MFHAS1: variants seen among roughly 807,000 people sequenced by gnomAD.
MFHAS1 encodes multifunctional ROCO family signaling regulator 1.
In MFHAS1, 50 loss-of-function variants were observed where a neutral mutation model predicts 70.4. That is an observed-to-expected ratio of 0.71 (90% confidence interval 0.57 to 0.90). The LOEUF (loss-of-function observed/expected upper bound fraction) is 0.90, where lower values mean the gene tolerates loss of function less well. Among genes scored for constraint, MFHAS1 ranks in the 40% least tolerant of loss-of-function variants. The pLI is 0.00. For missense variants in MFHAS1, 1,795 were observed against 1,347.6 expected, an observed-to-expected ratio of 1.33 and a Z score of -5.20; for synonymous variants, 952 against 620.0, an observed-to-expected ratio of 1.54 and a Z score of -7.96.
chr8:8,866,877 G>A (rs1412017672), intron 1 of MFHAS1, among the ~76,000 whole-genome samples: 2 of 152,322 alleles, frequency 1.3e-5, no homozygotes, highest in East Asian at 1.9e-4. Context: ...CATGAATCAG[G>A]AAAGAACCGT....
rs1563182187 is a variant in MFHAS1, at chr8:8,806,495, A to G, written c.2999-9004T>C. On this transcript the variant is annotated intron_variant, in intron 1 of 2. Transcript: ENST00000276282. ...AGGGCTTTATTTTTGGTTCTAAAAGACAGAACAATAGCAAAGTAAAATATT... is the reference window on the plus strand; with the variant it reads ...AGGGCTTTATTTTTGGTTCTAAAAGGCAGAACAATAGCAAAGTAAAATATT... 2.0e-5 allele frequency among the ~76,000 whole-genome samples: 3 copies of G among 152,236 alleles called. No individual in the cohort carries two copies. In the South Asian group the frequency reaches 6.2e-4, roughly 32 times the overall value.
At chr8:8,886,383 G>C (rs953065490) in intron 1 of MFHAS1, among the ~76,000 whole-genome samples, 2 of 151,828 alleles carry the variant, frequency 1.3e-5, no homozygotes. Flanking sequence ...ACTCAGGCTG[G>C]TCTCGAACTC....
intron 1 of MFHAS1, among the ~76,000 whole-genome samples, chr8:8,874,970 A>C (rs1003193564): frequency 6.6e-6 from 1 of 152,074 alleles, no homozygotes; most frequent in African/African-American, 2.4e-5. Context: ...TTCAGAAAAG[A>C]AGCAACACAA....
At chr8:8,850,872 A>C (rs1808225169) in intron 1 of MFHAS1, among the ~76,000 whole-genome samples, 1 of 151,338 alleles carries the variant, frequency 6.6e-6, no homozygotes, top group Non-Finnish European at 1.5e-5. Flanking sequence ...CACCCGCTAC[A>C]CACCAATTCA....
At chr8:8,824,220 C>T (rs918941631) in intron 1 of MFHAS1, among the ~76,000 whole-genome samples, 9 of 151,798 alleles carry the variant, frequency 5.9e-5, no homozygotes, top group South Asian at 2.1e-4. Flanking sequence ...AGGGGCTCTG[C>T]GGGGAGCAGG....
intron 1 of MFHAS1, among the ~76,000 whole-genome samples, chr8:8,845,434 C>T (rs991600491): frequency 1.2e-4 from 19 of 152,174 alleles, no homozygotes; most frequent in Admixed American, 2.6e-4. Context: ...TGGGTGCACG[C>T]TTATCTAGCG....
At chr8:8,848,962 T>A (rs1400154331) in intron 1 of MFHAS1, among the ~76,000 whole-genome samples, 1 of 152,140 alleles carries the variant, frequency 6.6e-6, no homozygotes, top group Non-Finnish European at 1.5e-5. Context: ...TACTTACTTT[T>A]TTCTTAAATT....
At chr8:8,824,521 TCA>T (rs57194505) in intron 1 of MFHAS1, among the ~76,000 whole-genome samples, 11,742 of 145,398 alleles carry the variant, frequency 0.081, 546 homozygotes, top group African/African-American at 0.12. Context: ...TCTCTCTCTT[TCA>T]CACACACACA....
At chr8:8,868,157 C>T (rs1009322592) in intron 1 of MFHAS1, among the ~76,000 whole-genome samples, 4 of 151,866 alleles carry the variant, frequency 2.6e-5, no homozygotes, top group Non-Finnish European at 5.9e-5. Context: ...GTTGAATCTC[C>T]CAGGTGCTTA....
In MFHAS1 at chr8:8,797,447, T is replaced by A. The variant is rs1341438664; in HGVS notation, c.3043A>T (p.Ile1015Phe). 6.2e-7 allele frequency: 1 copy of A among 1,613,896 alleles called. No homozygotes were observed. Among genetic ancestry groups the A allele is most frequent in the African/African-American group, 1.3e-5 (1 of 74,866 alleles). The change falls in exon 2 of 3, where the codon ATT becomes TTT. Residue 1015 changes from isoleucine to phenylalanine, a missense_variant. Coordinates refer to ENST00000276282, the MANE Select transcript of MFHAS1 (RefSeq NM_004225.3). ...QPRPEGVAEI[I>F]CPKNGSERVN... ...CGCTCGCTGCCGTTCTTGGGGCAAA[T>A]GATCTCTGCCACTCCTTCCGGTCTG...
chr8:8,807,489 A>G (rs553777011), intron 1 of MFHAS1, among the ~76,000 whole-genome samples: 5 of 151,876 alleles, frequency 3.3e-5, no homozygotes, highest in Non-Finnish European at 7.4e-5. Flanking sequence ...TCTGTATCCC[A>G]CTGTGATTCC....
At chr8:8,803,640 T>C (rs1391778834) in intron 1 of MFHAS1, among the ~76,000 whole-genome samples, 1 of 152,064 alleles carries the variant, frequency 6.6e-6, no homozygotes, top group African/African-American at 2.4e-5. Context: ...AACATTTGTA[T>C]TGTATTAGTT....
At chr8:8,865,297 A>G (rs993897953) in intron 1 of MFHAS1, among the ~76,000 whole-genome samples, 9 of 151,652 alleles carry the variant, frequency 5.9e-5, no homozygotes, top group East Asian at 3.9e-4. Flanking sequence ...AAAAAAAAAA[A>G]AAAGAAATGT....
intron 1 of MFHAS1, among the ~76,000 whole-genome samples, chr8:8,889,480 T>C (rs761086814): frequency 6.6e-6 from 1 of 152,236 alleles, no homozygotes; most frequent in Admixed American, 6.5e-5. Context: ...ACATTCTGAA[T>C]GTAAGCAGAG....
rs1170584068 is a variant in MFHAS1 at position 8,866,741 on chromosome 8, A to G, written c.2998+23320T>C. 2.0e-5 allele frequency among the ~76,000 whole-genome samples: 3 copies of G among 152,238 alleles called. No homozygotes were observed. The East Asian group carries it at 5.8e-4, about 29-fold the overall frequency. On this transcript the variant is annotated intron_variant, in intron 1 of 2. Transcript: ENST00000276282. ...AGTGATTGACTCACTTATTTTCTGC[A>G]GAAGACAGAATGGCATGAATGGGAC...
At chr8:8,837,375 G>A (rs1054379894) in intron 1 of MFHAS1, among the ~76,000 whole-genome samples, 4 of 152,146 alleles carry the variant, frequency 2.6e-5, no homozygotes, top group African/African-American at 9.7e-5. Flanking sequence ...AGGCGCAGTG[G>A]CTCACGCCTA....
rs1217392793 is a variant in MFHAS1 at position 8,783,548 on chromosome 8, T to C, written c.*2474A>G. On this transcript the variant is annotated 3_prime_UTR_variant, in exon 3 of 3. Coordinates refer to ENST00000276282, the MANE Select transcript of MFHAS1 (RefSeq NM_004225.3). ...GAGTCCAATACACAAGTGTCAAATATGAGCACTGTCATTTTTTTTTTCTTA... is the reference window on the plus strand; with the variant it reads ...GAGTCCAATACACAAGTGTCAAATACGAGCACTGTCATTTTTTTTTTCTTA... 6.6e-6 allele frequency: 1 copy of C among 152,102 alleles called. No homozygotes were observed. The highest frequency in any genetic ancestry group is 1.5e-5 in the Non-Finnish European group (1 of 68,020). 9.4% of individuals were successfully genotyped at this position (152,102 alleles called of 1,614,324 possible). A position where few individuals can be genotyped will look rare whatever the true frequency, so the allele number is the denominator to read the frequency against.
At chr8:8,814,449 G>A (rs1462586633) in intron 1 of MFHAS1, among the ~76,000 whole-genome samples, 1 of 152,130 alleles carries the variant, frequency 6.6e-6, no homozygotes, top group Non-Finnish European at 1.5e-5. Flanking sequence ...TGTCATGTTC[G>A]CACGATGACA....
rs941573708 is a variant in MFHAS1, at chr8:8,835,357, T to C, written c.2999-37866A>G. On this transcript the variant is annotated intron_variant, in intron 1 of 2. Coordinates refer to ENST00000276282, the MANE Select transcript of MFHAS1 (RefSeq NM_004225.3). ...GTTTAAAACACACATTCCTAAACAC[T>C]ATCCTGTCCCACGGGTCTTGAGCAT... Among the ~76,000 whole-genome samples, 7 of 152,324 alleles carry C rather than the reference T, an allele frequency of 4.6e-5. No homozygotes were observed. The South Asian group carries it at 8.3e-4, about 18-fold the overall frequency.
Sources: gnomAD v4.1 joint callset for allele counts (sites outside exome capture counted in the v4.1 genomes callset) on GRCh38, gnomAD v4.1.1 for gene constraint, MANE v1.5 for transcripts, NCBI Gene and HGNC (gene_info 2026-07-23, HGNC 2026-07-21) for gene names.